COP1: variants seen among roughly 807,000 people sequenced by gnomAD.
The protein encoded by COP1 is COP1 E3 ubiquitin ligase.
COP1 carries 24 observed loss-of-function variants against 101.3 expected under a neutral mutation model. The ratio of observed to expected loss-of-function variants is 0.24; its 90% CI spans 0.17 to 0.33. COP1 has a LOEUF of 0.33. Among genes scored for constraint, COP1 ranks in the 10% least tolerant of loss-of-function variants. The pLI, the probability that COP1 is intolerant of heterozygous loss-of-function variation, is 1.00. For synonymous variants in COP1, 347 were observed against 341.9 expected, an observed-to-expected ratio of 1.01 and a Z score of -0.17; for missense variants, 663 against 906.2, an observed-to-expected ratio of 0.73 and a Z score of 3.45.
chr1:176,128,958 TAAAG>T (rs1002204333), intron 8 of COP1, among the ~76,000 whole-genome samples: 4 of 152,018 alleles, frequency 2.6e-5, no homozygotes, highest in East Asian at 1.9e-4. Flanking sequence ...ATCTACTATA[TAAAG>T]AGTCATCCCT....
intron 18 of COP1, among the ~76,000 whole-genome samples, chr1:175,985,822 C>A (rs952347986): frequency 6.6e-6 from 1 of 152,144 alleles, no homozygotes; most frequent in African/African-American, 2.4e-5. Flanking sequence ...ATTAGCAAAA[C>A]TGGAAATGGA....
At chr1:175,945,511 G>A (rs1037599990) in intron 19 of COP1, among the ~76,000 whole-genome samples, 3 of 152,198 alleles carry the variant, frequency 2.0e-5, no homozygotes, top group African/African-American at 7.2e-5. Context: ...AAAGTTTTAA[G>A]TATCCTTGTT....
intron 11 of COP1, among the ~76,000 whole-genome samples, chr1:176,077,330 G>T (rs933953756): frequency 3.9e-5 from 6 of 152,062 alleles, no homozygotes; most frequent in African/African-American, 1.4e-4. Context: ...TTCCTGCAAT[G>T]CAAGGCTTGA....
chr1:176,110,999 A>G (rs1484718251), intron 9 of COP1, among the ~76,000 whole-genome samples: 2 of 152,052 alleles, frequency 1.3e-5, no homozygotes, highest in African/African-American at 4.8e-5. Flanking sequence ...TAAAAATACA[A>G]AAATTAGCTG....
intron 18 of COP1, 41 bp from the exon 19 acceptor site, chr1:175,947,280 TC>T: frequency 7.4e-7 from 1 of 1,357,802 alleles, no homozygotes; most frequent in South Asian, 1.2e-5. Context: ...GAGAAGGATT[TC>T]CTGGAGAGCA....
intron 11 of COP1, among the ~76,000 whole-genome samples, chr1:176,059,877 AT>A (rs1445154839): frequency 1.3e-5 from 2 of 151,954 alleles, no homozygotes; most frequent in Non-Finnish European, 2.9e-5. Flanking sequence ...TATCCTTTGT[AT>A]TTTTTTTCAA....
At chr1:175,996,132 A>G (rs571739750) in intron 15 of COP1, among the ~76,000 whole-genome samples, 25 of 142,358 alleles carry the variant, frequency 1.8e-4, no homozygotes, top group East Asian at 9.9e-4. Context: ...TATAAACAGA[A>G]CCAAAGACAA....
chr1:176,167,803 T>G (rs1171619528), intron 3 of COP1, among the ~76,000 whole-genome samples: 2 of 152,128 alleles, frequency 1.3e-5, no homozygotes, highest in African/African-American at 4.8e-5. Context: ...TTGACACAAG[T>G]TACTCAACCT....
intron 11 of COP1, among the ~76,000 whole-genome samples, chr1:176,069,021 C>T (rs1005346924): frequency 1.3e-5 from 2 of 151,874 alleles, no homozygotes; most frequent in Non-Finnish European, 1.5e-5. Context: ...ATCCTGTCTC[C>T]ACAAAAAAAT....
intron 8 of COP1, among the ~76,000 whole-genome samples, chr1:176,127,675 G>A (rs1456867783): frequency 6.6e-6 from 1 of 150,642 alleles, no homozygotes; most frequent in Non-Finnish European, 1.5e-5. Context: ...AAATACTTAG[G>A]TTGTTTGCAT....
Position 176,153,651 on chromosome 1 carries a change from C to T in COP1, c.763-4577G>A, listed in dbSNP as rs551178394. Among the ~76,000 whole-genome samples the T allele has an allele frequency of 4.6e-5, 7 of 152,338 alleles. No individual in the cohort carries two copies. The East Asian group carries it at 1.3e-3, about 29-fold the overall frequency. ...AATAAACAGGAGTAGTGAAAGAGGG[C>T]ATCCTTGTCTTGTGTTGGTTTTCAA... On this transcript the variant is annotated intron_variant, in intron 5 of 19. Transcript: ENST00000367669.
chr1:176,045,397 A>G (rs893199664), intron 12 of COP1, among the ~76,000 whole-genome samples: 6 of 152,160 alleles, frequency 3.9e-5, no homozygotes, highest in African/African-American at 1.4e-4. Flanking sequence ...TATAACAAAT[A>G]AATTATACAA....
chr1:176,055,781 T>C (rs1437784229), intron 11 of COP1, among the ~76,000 whole-genome samples: 1 of 152,164 alleles, frequency 6.6e-6, no homozygotes, highest in Non-Finnish European at 1.5e-5. Flanking sequence ...AGCTCATGAA[T>C]TGATTTAGTA....
intron 15 of COP1, among the ~76,000 whole-genome samples, chr1:176,003,808 G>T (rs1662395992): frequency 6.6e-6 from 1 of 151,368 alleles, no homozygotes; most frequent in Non-Finnish European, 1.5e-5. Context: ...TTGTTCTTTT[G>T]GCTTAGGATT....
At chr1:175,972,035 T>C (rs935928089) in intron 18 of COP1, among the ~76,000 whole-genome samples, 1 of 152,096 alleles carries the variant, frequency 6.6e-6, no homozygotes, top group East Asian at 1.9e-4. Context: ...CAAGATTGGA[T>C]GTGACAGAGA....
intron 14 of COP1, among the ~76,000 whole-genome samples, chr1:176,031,899 G>A (rs1668706941): frequency 6.6e-6 from 1 of 152,124 alleles, no homozygotes; most frequent in African/African-American, 2.4e-5. Context: ...CCCCAAAGTA[G>A]TTTGCTAAAA....
At chr1:175,991,785 G>C (rs547902555) in intron 15 of COP1, among the ~76,000 whole-genome samples, 2 of 152,228 alleles carry the variant, frequency 1.3e-5, no homozygotes, top group South Asian at 4.2e-4. Context: ...TCTACACAGG[G>C]TCAGGATAAT....
chr1:176,001,795 G>A (rs755284681), intron 15 of COP1, among the ~76,000 whole-genome samples: 2 of 151,994 alleles, frequency 1.3e-5, no homozygotes, highest in Non-Finnish European at 2.9e-5. Flanking sequence ...TCCTGACAAA[G>A]AACTCACTCG....
At chr1:176,118,348 CT>C (rs551554905) in intron 8 of COP1, among the ~76,000 whole-genome samples, 28 of 148,394 alleles carry the variant, frequency 1.9e-4, no homozygotes, top group South Asian at 4.3e-4. Context: ...ACACAGCAGT[CT>C]TTTTTTTTTA....
Sources: allele counts gnomAD v4.1 joint callset (sites outside exome capture counted in the v4.1 genomes callset), GRCh38; gene constraint gnomAD v4.1.1; transcripts MANE v1.5; gene names NCBI Gene and HGNC (gene_info 2026-07-23, HGNC 2026-07-21).